Variants in TNFRSF11A observed in about 807,000 individuals in gnomAD.
TNFRSF11A encodes TNF receptor superfamily member 11a.
A neutral mutation model predicts 55.7 loss-of-function variants in TNFRSF11A; 32 were observed. The observed-to-expected ratio is 0.57, with a 90% CI of 0.43 to 0.77. TNFRSF11A has a LOEUF of 0.77. Among genes scored for constraint, TNFRSF11A ranks in the 30% least tolerant of loss-of-function variants. The probability of loss-of-function intolerance (pLI) is 0.00; values close to 1 mark genes in which losing one functional copy is unlikely to be tolerated. For missense variants in TNFRSF11A, 753 were observed against 809.8 expected, an observed-to-expected ratio of 0.93 and a Z score of 0.85; for synonymous variants, 311 against 331.0, an observed-to-expected ratio of 0.94 and a Z score of 0.65.
chr18:62,358,094 G>A (rs1463443346), intron 4 of TNFRSF11A, 154 bp from the exon 5 acceptor site: 1 of 685,118 alleles, frequency 1.5e-6, no homozygotes, highest in Non-Finnish European at 2.6e-6. Context: ...GAAGAAGTTA[G>A]ACACAGGGGT....
chr18:62,327,167 G>A (rs2046088068), intron 1 of TNFRSF11A, among the ~76,000 whole-genome samples: 1 of 152,210 alleles, frequency 6.6e-6, no homozygotes, highest in Non-Finnish European at 1.5e-5. Context: ...GTGGGCTGGT[G>A]TCAACCTCCT....
intron 5 of TNFRSF11A, among the ~76,000 whole-genome samples, chr18:62,359,055 T>C (rs1471982138): frequency 2.0e-5 from 3 of 152,214 alleles, no homozygotes; most frequent in African/African-American, 7.2e-5. Flanking sequence ...ATAATCAACA[T>C]AATGATTCTT....
chr18:62,352,047 C>T (rs369919568), intron 3 of TNFRSF11A, among the ~76,000 whole-genome samples: 2 of 152,260 alleles, frequency 1.3e-5, no homozygotes, highest in East Asian at 3.9e-4. Context: ...CCCCCCGCCT[C>T]GGCCTCCCAA....
intron 9 of TNFRSF11A, among the ~76,000 whole-genome samples, chr18:62,375,380 A>T (rs1910823634): frequency 6.6e-6 from 1 of 152,102 alleles, no homozygotes; most frequent in Non-Finnish European, 1.5e-5. Context: ...TACAGGTGTG[A>T]CCCTCTGCAC....
At chr18:62,356,862 A>G (rs922440889) in intron 4 of TNFRSF11A, among the ~76,000 whole-genome samples, 8 of 152,220 alleles carry the variant, frequency 5.3e-5, no homozygotes, top group African/African-American at 1.9e-4. Context: ...AGCCTGCAGG[A>G]TGCTTCTGGC....
At chr18:62,354,990 C>A (rs1239976487) in intron 4 of TNFRSF11A, among the ~76,000 whole-genome samples, 1 of 152,180 alleles carries the variant, frequency 6.6e-6, no homozygotes, top group African/African-American at 2.4e-5. Flanking sequence ...GACTTAGTTA[C>A]CAGGGAATTA....
chr18:62,342,736 T>C (rs1379588539), intron 1 of TNFRSF11A, among the ~76,000 whole-genome samples: 2 of 152,212 alleles, frequency 1.3e-5, no homozygotes, highest in Non-Finnish European at 2.9e-5. Context: ...GACTCATTAA[T>C]GGAAACACTT....
In TNFRSF11A at chr18:62,366,775, T is replaced by C. The variant is rs776099151; in HGVS notation, c.783+15T>C. On this transcript the variant is annotated intron_variant, in intron 8 of 9. Transcript: ENST00000586569. ...GTGGAGATAAGGTAGAGTGAACAGT[T>C]GTTGGTGCCTCTGTTAAGTACATTC... is the stretch of plus-strand genomic sequence containing the variant. The C allele has an allele frequency of 3.7e-6, 6 of 1,614,026 alleles. No homozygotes were observed. In the Admixed American group the frequency reaches 1.0e-4, roughly 27 times the overall value.
rs1911569774 is a variant in TNFRSF11A, at chr18:62,384,782, C to T, written c.1599C>T (p.Phe533=). The T allele has an allele frequency of 6.2e-7, 1 of 1,612,696 alleles. No individual in the cohort carries two copies. Among genetic ancestry groups the T allele is most frequent in the South Asian group, 1.1e-5 (1 of 90,514 alleles). ...TGACTGGAAACAGTAACTCCACGTT[C>T]ATCTCCAGCGGGCAGGTGATGAACT... is the stretch of plus-strand genomic sequence containing the variant. ...GNVTGNSNST[F]ISSGQVMNFK... Residue 533 remains phenylalanine (F), a synonymous_variant, in exon 10 of 10, where the codon TTC becomes TTT. Transcript: ENST00000586569.
intron 4 of TNFRSF11A, 189 bp from the exon 5 acceptor site, chr18:62,358,059 C>T (rs1909397008): frequency 1.6e-6 from 1 of 612,416 alleles, no homozygotes; most frequent in Non-Finnish European, 2.9e-6. Flanking sequence ...CAGAACTGCT[C>T]TGTGGGCCCA....
At position 62,369,633 on chromosome 18, in the gene TNFRSF11A, G is replaced by A. The variant is rs79570312; in HGVS notation, c.1567+149G>A. On this transcript the variant is annotated intron_variant, in intron 9 of 9. Transcript: ENST00000586569. Reference sequence around the variant, plus strand: ...CTCTTAATAAGCATTTTTACAGGATGGCTTTGGATTCAGTCCACGTGTTTG... The same window carrying A: ...CTCTTAATAAGCATTTTTACAGGATAGCTTTGGATTCAGTCCACGTGTTTG... The A allele has an allele frequency of 1.4e-3, 1,491 of 1,054,984 alleles. 17 individuals are homozygous for A. The African/African-American group carries it at 0.02, about 14-fold the overall frequency. 65.4% of individuals were successfully genotyped at this position (1,054,984 alleles called of 1,614,324 possible). A position where few individuals can be genotyped will look rare whatever the true frequency, so the allele number is the denominator to read the frequency against.
chr18:62,328,753 A>C (rs1295818748), intron 1 of TNFRSF11A, among the ~76,000 whole-genome samples: 1 of 152,206 alleles, frequency 6.6e-6, no homozygotes, highest in African/African-American at 2.4e-5. Context: ...TGGGGAGCAC[A>C]GACACAGATC....
At chr18:62,384,617 A>AGTGT (rs1911551392) in intron 9 of TNFRSF11A, 134 bp from the exon 10 acceptor site, 1 of 988,672 alleles carries the variant, frequency 1.0e-6, no homozygotes, top group African/African-American at 1.6e-5. Flanking sequence ...GGAGGGTTAC[A>AGTGT]GTGTGGTTCC....
At chr18:62,360,355 TG>T (rs1257538093) in intron 6 of TNFRSF11A, among the ~76,000 whole-genome samples, 4 of 152,024 alleles carry the variant, frequency 2.6e-5, no homozygotes, top group Non-Finnish European at 4.4e-5. Context: ...CAAGTGAGGG[TG>T]TCTATGAGGA....
intron 9 of TNFRSF11A, among the ~76,000 whole-genome samples, chr18:62,380,997 G>A (rs751248549): frequency 2.2e-4 from 34 of 151,948 alleles, no homozygotes; most frequent in Non-Finnish European, 1.8e-4. Flanking sequence ...TAGAGGCAGG[G>A]TTTCACCATG....
intron 5 of TNFRSF11A, among the ~76,000 whole-genome samples, chr18:62,358,585 G>A (rs1328796864): frequency 6.6e-6 from 1 of 152,200 alleles, no homozygotes; most frequent in Non-Finnish European, 1.5e-5. Flanking sequence ...GTGACTTACG[G>A]TTGCAGCTTT....
intron 9 of TNFRSF11A, among the ~76,000 whole-genome samples, chr18:62,372,324 G>A (rs917202823): frequency 2.6e-5 from 4 of 152,132 alleles, no homozygotes; most frequent in Non-Finnish European, 5.9e-5. Flanking sequence ...GGAGATTGGC[G>A]CATTCTCACT....
chr18:62,357,901 C>CA (rs1456632408), intron 4 of TNFRSF11A: 1 of 301,674 alleles, frequency 3.3e-6, no homozygotes, highest in African/African-American at 2.1e-5. Flanking sequence ...GACTAGGAAA[C>CA]AAAGTGTCGG....
At chr18:62,349,428 G>A (rs958948344) in intron 2 of TNFRSF11A, among the ~76,000 whole-genome samples, 5 of 152,122 alleles carry the variant, frequency 3.3e-5, no homozygotes, top group South Asian at 2.1e-4. Flanking sequence ...TGATCCGCCC[G>A]TCTCCGCCTC....
Sources: gnomAD v4.1 joint callset for allele counts (sites outside exome capture counted in the v4.1 genomes callset) on GRCh38, gnomAD v4.1.1 for gene constraint, MANE v1.5 for transcripts, NCBI Gene and HGNC (gene_info 2026-07-23, HGNC 2026-07-21) for gene names.